Variants in TRIO observed in about 807,000 individuals in gnomAD.
The protein encoded by TRIO is trio Rho guanine nucleotide exchange factor.
A neutral mutation model predicts 351.9 loss-of-function variants in TRIO; 58 were observed. That is an observed-to-expected ratio of 0.16 (90% CI 0.13 to 0.21). The LOEUF is 0.21. TRIO is among the 10% of genes least tolerant of loss of function. The pLI, the probability that TRIO is intolerant of heterozygous loss-of-function variation, is 1.00. For synonymous variants in TRIO, 1,758 were observed against 1,595.7 expected (o/e 1.10, Z -2.42); for missense variants, 3,201 against 4,027.8 (o/e 0.79, Z 5.56).
Position 14,498,519 on chromosome 5 carries a change from T to G in TRIO, c.8211T>G (p.Ser2737Arg), listed in dbSNP as rs767859765. The change falls in exon 53 of 57, where the codon AGT becomes AGG. Residue 2737 changes from serine to arginine, a missense_variant and splice_region_variant. By Grantham distance (110) the Ser-to-Arg change is moderately radical. Transcript: ENST00000344204. ...CAGTGTGTTCCCATCTGTGCCGCAG[T>G]GACCTGGGAGAGGCCACGCTGAAGA... ...NNDGHYSISY[S>R]DLGEATLKIV... 4 of 1,613,856 alleles carry G rather than the reference T, an allele frequency of 2.5e-6. No homozygotes were observed. The South Asian group carries it at 4.4e-5, about 18-fold the overall frequency.
At chr5:14,250,511 A>G (rs375218218) in intron 1 of TRIO, among the ~76,000 whole-genome samples, 2 of 152,280 alleles carry the variant, frequency 1.3e-5, no homozygotes, top group East Asian at 1.9e-4. Context: ...CCCACAAATT[A>G]GCACTAGGGG....
intron 18 of TRIO, among the ~76,000 whole-genome samples, chr5:14,371,303 C>T (rs766438654): frequency 1.3e-5 from 2 of 151,966 alleles, no homozygotes; most frequent in Non-Finnish European, 2.9e-5. Context: ...TTTTTGGATC[C>T]CTTTGTTCAA....
At chr5:14,291,533 A>G (rs893026770) in intron 5 of TRIO, among the ~76,000 whole-genome samples, 1 of 151,932 alleles carries the variant, frequency 6.6e-6, no homozygotes, top group Non-Finnish European at 1.5e-5. Context: ...TCACGCCTGT[A>G]ATCCCAGCCC....
At chr5:14,378,793 C>T (rs1406907211) in intron 20 of TRIO, among the ~76,000 whole-genome samples, 1 of 152,152 alleles carries the variant, frequency 6.6e-6, no homozygotes, top group Non-Finnish European at 1.5e-5. Context: ...CTCCTGACCT[C>T]AGGTGATCTG....
intron 19 of TRIO, among the ~76,000 whole-genome samples, chr5:14,377,047 A>G (rs1745620464): frequency 6.6e-6 from 1 of 151,998 alleles, no homozygotes; most frequent in Non-Finnish European, 1.5e-5. Flanking sequence ...TTTTCTGTTG[A>G]CTATTCTATG....
intron 34 of TRIO, among the ~76,000 whole-genome samples, chr5:14,426,875 T>C (rs1349982407): frequency 6.6e-6 from 1 of 152,194 alleles, no homozygotes; most frequent in South Asian, 2.1e-4. Context: ...TTTTTTTGTT[T>C]GTTTCGTAAC....
chr5:14,334,689 G>A (rs1741230111), intron 10 of TRIO, among the ~76,000 whole-genome samples: 1 of 152,224 alleles, frequency 6.6e-6, no homozygotes, highest in African/African-American at 2.4e-5. Context: ...CAGCATGGAG[G>A]CCCCGTTGTG....
chr5:14,295,348 T>A (rs1737257661), intron 6 of TRIO, among the ~76,000 whole-genome samples: 1 of 152,240 alleles, frequency 6.6e-6, no homozygotes, highest in Non-Finnish European at 1.5e-5. Context: ...AATTGCACAT[T>A]ACCATATTGA....
intron 1 of TRIO, among the ~76,000 whole-genome samples, chr5:14,178,366 C>A (rs1474695027): frequency 6.6e-6 from 1 of 152,194 alleles, no homozygotes; most frequent in Non-Finnish European, 1.5e-5. Flanking sequence ...GAGACGTAGG[C>A]TGTTAATCTT....
At chr5:14,414,005 T>G (rs539412742) in intron 33 of TRIO, among the ~76,000 whole-genome samples, 56 of 152,336 alleles carry the variant, frequency 3.7e-4, no homozygotes, top group African/African-American at 1.3e-3. Context: ...AAGAGGTATT[T>G]CAAATTAAGC....
chr5:14,398,459 C>T (rs1222585597), intron 29 of TRIO, among the ~76,000 whole-genome samples: 1 of 152,012 alleles, frequency 6.6e-6, no homozygotes, highest in East Asian at 1.9e-4. Context: ...GCTGAGGAAG[C>T]AGAGAGAATC....
intron 43 of TRIO, among the ~76,000 whole-genome samples, chr5:14,480,763 G>A (rs1413489973): frequency 6.6e-6 from 1 of 152,106 alleles, no homozygotes. Context: ...ATGCCTTTTT[G>A]TTGTGTTACT....
chr5:14,409,444 C>G (rs796161218), intron 33 of TRIO, among the ~76,000 whole-genome samples: 41 of 150,938 alleles, frequency 2.7e-4, no homozygotes, highest in African/African-American at 1.0e-3. Context: ...TAAGAAAACT[C>G]CCTATGAGAT....
At chr5:14,250,331 C>T (rs531678289) in intron 1 of TRIO, among the ~76,000 whole-genome samples, 46 of 152,310 alleles carry the variant, frequency 3.0e-4, no homozygotes, top group Middle Eastern at 6.8e-3. Flanking sequence ...AATTAAATTG[C>T]GTTTTCCTTG....
chr5:14,482,726 A>C lies in TRIO; in HGVS notation c.6610A>C (p.Lys2204Gln), dbSNP rs1217637443. The change falls in exon 46 of 57, where the codon AAG (lysine) becomes CAG (glutamine). Residue 2204 changes from lysine to glutamine, a missense_variant. Physicochemically the swap from Lys to Gln is moderately conservative, Grantham distance 53. This residue lies in a region of TRIO where 1,089 missense variants were observed against 954.9 expected (regional missense o/e 1.14). Transcript: ENST00000344204. ...CATATTCAGCGAACCACTTGATAAA[A>C]AGAAGGGCTTCTCCATGCCGGGATT... ...IVIFSEPLDK[K>Q]KGFSMPGFLF... is the part of the protein sequence containing the mutation. 6.2e-7 allele frequency: 1 copy of C among 1,610,158 alleles called. No homozygotes were observed. Among genetic ancestry groups the C allele is most frequent in the Admixed American group, 1.7e-5 (1 of 59,636 alleles).
intron 1 of TRIO, among the ~76,000 whole-genome samples, chr5:14,237,193 G>C (rs530961062): frequency 6.6e-6 from 1 of 152,176 alleles, no homozygotes; most frequent in African/African-American, 2.4e-5. Flanking sequence ...TTTGAAATAT[G>C]TGCAAATACT....
intron 8 of TRIO, among the ~76,000 whole-genome samples, chr5:14,315,402 G>A (rs1381144327): frequency 3.3e-5 from 5 of 151,998 alleles, no homozygotes; most frequent in African/African-American, 7.2e-5. Flanking sequence ...ACAGGTGCCC[G>A]CCACCACGCC....
chr5:14,336,853 A>G (rs1741463363), intron 11 of TRIO, 126 bp downstream of exon 11: 7 of 1,002,580 alleles, frequency 7.0e-6, no homozygotes, highest in Non-Finnish European at 1.0e-5. Flanking sequence ...GATGTAGCCC[A>G]TTAGTGCTGA....
intron 9 of TRIO, among the ~76,000 whole-genome samples, chr5:14,322,639 A>G (rs189475171): frequency 6.6e-6 from 1 of 152,138 alleles, no homozygotes; most frequent in African/African-American, 2.4e-5. Context: ...CCTACACTAG[A>G]CCTAGCTTTT....
Sources: allele counts gnomAD v4.1 joint callset (sites outside exome capture counted in the v4.1 genomes callset), GRCh38; gene constraint gnomAD v4.1.1; regional missense constraint gnomAD v4.1.1; transcripts MANE v1.5; gene names NCBI Gene and HGNC (gene_info 2026-07-23, HGNC 2026-07-21).